KIF9: variants seen among roughly 807,000 people sequenced by gnomAD.
The protein encoded by KIF9 is kinesin-like protein KIF9.
KIF9 carries 68 observed loss-of-function variants against 94.8 expected under a neutral mutation model. The observed-to-expected ratio is 0.72, with a 90% CI of 0.59 to 0.88. The LOEUF (loss-of-function observed/expected upper bound fraction) is 0.88. KIF9 is among the 40% of genes least tolerant of loss of function. KIF9 has a pLI of 0.00. For synonymous variants in KIF9, 343 were observed against 362.1 expected (o/e 0.95, Z 0.60); for missense variants, 882 against 982.5 (o/e 0.90, Z 1.37).
At position 47,277,395 on chromosome 3, in the gene KIF9, C is replaced by A; in HGVS notation, c.-5-16G>T. The A allele has an allele frequency of 6.3e-7, 1 of 1,577,898 alleles. No homozygotes were observed. The highest frequency in any genetic ancestry group is 8.7e-7 in the Non-Finnish European group (1 of 1,147,848). ...CCCATTCTAGCTAAAAAGAAGGGAA[C>A]AATGAAATTTTGAGTAGTCATTATC... On this transcript the variant is annotated splice_polypyrimidine_tract_variant and intron_variant, in intron 1 of 20. Coordinates refer to ENST00000684063, the MANE Select transcript of KIF9 (RefSeq NM_182902.4).
chr3:47,271,691 T>C (rs892586190), intron 4 of KIF9, among the ~76,000 whole-genome samples: 44 of 152,230 alleles, frequency 2.9e-4, no homozygotes, highest in African/African-American at 1.1e-3. Flanking sequence ...GAAAGGACTC[T>C]GGAGTGAGGA....
intron 9 of KIF9, among the ~76,000 whole-genome samples, chr3:47,258,997 C>T (rs1228496677): frequency 6.6e-6 from 1 of 152,198 alleles, no homozygotes; most frequent in East Asian, 1.9e-4. Context: ...GGTCTAGCCC[C>T]TGAGCAGCGT....
rs1702480485 is a variant in KIF9 at position 47,282,778 on chromosome 3, G to A, written c.-289C>T. On this transcript the variant is annotated 5_prime_UTR_variant, in exon 1 of 21. Transcript: ENST00000684063. The stretch of plus-strand genomic sequence containing the variant: ...AAGGTCGAGATAGCGAGGGAACGAA[G>A]GCCGCACATGAACCAGGAAGCGGAG... The A allele has an allele frequency of 4.2e-6, 6 of 1,431,364 alleles. No individual in the cohort carries two copies. The East Asian group carries it at 1.0e-4, about 24-fold the overall frequency. The allele number at this position is 1,431,364 out of a possible 1,614,324, so 88.7% of individuals were successfully genotyped here.
At position 47,279,731 on chromosome 3, in the gene KIF9, C is replaced by T. The variant is rs1702211694; in HGVS notation, c.-5-2352G>A. On this transcript the variant is annotated intron_variant, in intron 1 of 20. Transcript: ENST00000684063. The stretch of plus-strand genomic sequence containing the variant: ...CCCCAGGTTCACGCCATTCTCCTGC[C>T]TCAGCCTCCCGAGTAGCTGGGACTA... Among the ~76,000 whole-genome samples the T allele has an allele frequency of 1.3e-5, 2 of 151,808 alleles. 1 individual carries two copies. The highest frequency in any genetic ancestry group is 4.1e-4 in the South Asian group (2 of 4,820).
intron 1 of KIF9, 144 bp from the exon 2 acceptor site, chr3:47,277,523 C>T: frequency 1.6e-6 from 1 of 614,322 alleles, no homozygotes. Context: ...TTCCTTTTCA[C>T]CCCTCAGCAT....
rs571695152 is a variant in KIF9 at position 47,246,067 on chromosome 3, C to A, written c.1289+130G>T. On this transcript the variant is annotated intron_variant, in intron 13 of 20. Transcript: ENST00000684063. ...AATATCCACCAGGGACCCAGGCATG[C>A]CCCCAAGGACTCTGATTTGGCTCTT... 12 of 706,306 alleles carry A rather than the reference C, an allele frequency of 1.7e-5. No homozygotes were observed. In the South Asian group the frequency reaches 2.3e-4, roughly 14 times the overall value. The allele number at this position is 706,306 out of a possible 1,614,324, so 43.8% of individuals were successfully genotyped here.
chr3:47,280,842 C>T, intron 1 of KIF9: 1 of 695,832 alleles, frequency 1.4e-6, no homozygotes, highest in Non-Finnish European at 2.6e-6. Flanking sequence ...GGCCAGGAGC[C>T]ATATCCACCT....
chr3:47,232,468 A>G (rs1460172221), intron 20 of KIF9, among the ~76,000 whole-genome samples: 1 of 151,582 alleles, frequency 6.6e-6, no homozygotes, highest in African/African-American at 2.4e-5. Context: ...TATTTTTAGT[A>G]GAGACGAGGT....
intron 1 of KIF9, among the ~76,000 whole-genome samples, chr3:47,281,646 C>T (rs184648784): frequency 9.2e-5 from 14 of 152,338 alleles, no homozygotes; most frequent in African/African-American, 2.6e-4. Flanking sequence ...CGGCGCCCGG[C>T]CCCCTCCCTT....
chr3:47,263,730 G>A (rs1576042940), intron 9 of KIF9: 1 of 394,794 alleles, frequency 2.5e-6, no homozygotes, highest in East Asian at 7.2e-5. Flanking sequence ...CTCCCTCTGG[G>A]CCTCACGTTA....
At chr3:47,279,666 G>C (rs1461898951) in intron 1 of KIF9, among the ~76,000 whole-genome samples, 1 of 150,636 alleles carries the variant, frequency 6.6e-6, no homozygotes, top group Non-Finnish European at 1.5e-5. Flanking sequence ...ACCCAGGTTG[G>C]AGCGCAGTGG....
intron 20 of KIF9, among the ~76,000 whole-genome samples, chr3:47,232,992 A>C (rs1211901615): frequency 1.3e-5 from 2 of 151,218 alleles, no homozygotes; most frequent in African/African-American, 2.4e-5. Flanking sequence ...AAAAAAAAAA[A>C]AAAACAAAAA....
intron 18 of KIF9, 38 bp from the exon 19 acceptor site, chr3:47,236,187 G>T: frequency 6.9e-7 from 1 of 1,450,492 alleles, no homozygotes; most frequent in Non-Finnish European, 9.7e-7. Context: ...GAGGAAGCCG[G>T]TAAGGGCTGT....
At chr3:47,247,299 G>C in intron 12 of KIF9, 74 bp downstream of exon 12, 1 of 958,172 alleles carries the variant, frequency 1.0e-6, no homozygotes, top group Non-Finnish European at 1.7e-6. Context: ...GGCCAGCAGA[G>C]CATGCGTTGG....
intron 17 of KIF9, chr3:47,239,812 G>A (rs1291054624): frequency 7.3e-7 from 1 of 1,367,480 alleles, no homozygotes; most frequent in Admixed American, 1.9e-5. Flanking sequence ...CATCTGACTT[G>A]CAGGAATAAA....
intron 1 of KIF9, chr3:47,281,178 G>A (rs1411620568): frequency 1.6e-6 from 1 of 626,420 alleles, no homozygotes; most frequent in Non-Finnish European, 2.9e-6. Context: ...TCATATGTGG[G>A]TCTATCTTCA....
chr3:47,239,788 T>G (rs1223407594), intron 17 of KIF9: 3 of 1,364,340 alleles, frequency 2.2e-6, no homozygotes, highest in Non-Finnish European at 2.9e-6. Flanking sequence ...GCACCCCCTG[T>G]GAGTGAGATG....
At chr3:47,234,084 AC>A (rs879271903) in intron 20 of KIF9, among the ~76,000 whole-genome samples, 6 of 148,896 alleles carry the variant, frequency 4.0e-5, no homozygotes, top group African/African-American at 7.5e-5. Context: ...ATTCCATCCC[AC>A]CCCCCCCAAA....
Position 47,249,921 on chromosome 3 carries a change from C to T in KIF9, c.1060-1835G>A, listed in dbSNP as rs569030644. Among the ~76,000 whole-genome samples the T allele has an allele frequency of 1.5e-4, 23 of 152,188 alleles. No homozygotes were observed. The South Asian group carries it at 4.1e-3, about 27-fold the overall frequency. ...AAAATTGGCCAAGCATGGTGGCATG[C>T]GCCTGTAATCCCAACTACTAGAGAG... On this transcript the variant is annotated intron_variant, in intron 10 of 20. Transcript: ENST00000684063.
Sources: gnomAD v4.1 joint callset for allele counts (sites outside exome capture counted in the v4.1 genomes callset) on GRCh38, gnomAD v4.1.1 for gene constraint, MANE v1.5 for transcripts, NCBI Gene and HGNC (gene_info 2026-07-23, HGNC 2026-07-21) for gene names.